The following FRMD4B variants were observed in gnomAD, a reference collection of about 807,000 sequenced individuals.
FRMD4B encodes the protein FERM domain-containing protein 4B.
FRMD4B carries 74 observed loss-of-function variants against 141.5 expected under a neutral mutation model. The ratio of observed to expected loss-of-function variants is 0.52; its 90% CI spans 0.43 to 0.63. The LOEUF (loss-of-function observed/expected upper bound fraction) is 0.63, where lower values mean the gene tolerates loss of function less well. FRMD4B is among the 30% of genes least tolerant of loss of function. FRMD4B has a pLI of 0.00. For synonymous variants in FRMD4B, 506 were observed against 467.9 expected (o/e 1.08, Z -1.05); for missense variants, 1,366 against 1,253.4 (o/e 1.09, Z -1.36).
intron 11 of FRMD4B, among the ~76,000 whole-genome samples, chr3:69,201,585 G>A (rs1313596491): frequency 6.6e-6 from 1 of 152,178 alleles, no homozygotes; most frequent in Non-Finnish European, 1.5e-5. Context: ...GAAGTTGCTA[G>A]GAAAATATTT....
intron 1 of FRMD4B, among the ~76,000 whole-genome samples, chr3:69,315,218 A>T (rs948001577): frequency 2.0e-5 from 3 of 152,246 alleles, no homozygotes; most frequent in Non-Finnish European, 4.4e-5. Context: ...TACTAAAAAA[A>T]CTTTGTAAAA....
intron 1 of FRMD4B, among the ~76,000 whole-genome samples, chr3:69,540,415 C>T (rs978123981): frequency 6.6e-6 from 1 of 151,160 alleles, no homozygotes; most frequent in African/African-American, 2.4e-5. Flanking sequence ...GAGATGGCGA[C>T]CAGCCTGGCT....
intron 1 of FRMD4B, among the ~76,000 whole-genome samples, chr3:69,470,348 AT>A: frequency 6.6e-6 from 1 of 152,334 alleles, no homozygotes; most frequent in African/African-American, 2.4e-5. Context: ...AAATGACTCT[AT>A]TCCTTGGAGA....
At chr3:69,237,225 G>T (rs995922251) in intron 7 of FRMD4B, among the ~76,000 whole-genome samples, 2 of 152,236 alleles carry the variant, frequency 1.3e-5, no homozygotes, top group South Asian at 4.1e-4. Context: ...GAAGAGGAGG[G>T]AGGGGCCGGG....
intron 1 of FRMD4B, among the ~76,000 whole-genome samples, chr3:69,374,991 A>G (rs376732892): frequency 3.3e-5 from 5 of 151,842 alleles, no homozygotes; most frequent in East Asian, 1.9e-4. Flanking sequence ...TATTCATCCA[A>G]TTGCCTACCC....
intron 1 of FRMD4B, among the ~76,000 whole-genome samples, chr3:69,362,948 C>T (rs937745065): frequency 6.6e-6 from 1 of 151,306 alleles, no homozygotes; most frequent in East Asian, 1.9e-4. Context: ...TAAGTCCTGA[C>T]CTTCAAGTCC....
intron 1 of FRMD4B, among the ~76,000 whole-genome samples, chr3:69,496,642 A>G (rs1706401284): frequency 1.7e-5 from 1 of 60,546 alleles, no homozygotes; most frequent in African/African-American, 7.6e-5. Context: ...AGAGAAAGAG[A>G]GAGAGAGAGA....
At chr3:69,269,786 A>C (rs2093585902) in intron 5 of FRMD4B, among the ~76,000 whole-genome samples, 1 of 151,744 alleles carries the variant, frequency 6.6e-6, no homozygotes, top group African/African-American at 2.4e-5. Flanking sequence ...CACCTGGCTA[A>C]TTTTTGTATT....
chr3:69,232,593 G>C lies in FRMD4B; in HGVS notation c.582-7903C>G, dbSNP rs902374803. On this transcript the variant is annotated intron_variant, in intron 7 of 22. Transcript: ENST00000398540. ...ATGTGCCAACCCCACTCATTTTTGAGAAAGCCACATGGCTGGCAAAACTGA... is the reference window on the plus strand; with the variant it reads ...ATGTGCCAACCCCACTCATTTTTGACAAAGCCACATGGCTGGCAAAACTGA... Among the ~76,000 whole-genome samples the C allele has an allele frequency of 2.8e-4, 42 of 152,078 alleles. 1 individual carries two copies. Among genetic ancestry groups the C allele is most frequent in the African/African-American group, 8.5e-4 (35 of 41,388 alleles).
chr3:69,385,184 G>C (rs1704218589), intron 1 of FRMD4B, among the ~76,000 whole-genome samples: 1 of 152,044 alleles, frequency 6.6e-6, no homozygotes, highest in South Asian at 2.1e-4. Context: ...GAGAAATAAA[G>C]GGGCTGTGTT....
intron 1 of FRMD4B, among the ~76,000 whole-genome samples, chr3:69,472,807 G>C (rs1705914217): frequency 1.3e-5 from 2 of 152,088 alleles, no homozygotes; most frequent in African/African-American, 4.8e-5. Context: ...CTTGCCATGG[G>C]TCAAATGTTC....
intron 2 of FRMD4B, among the ~76,000 whole-genome samples, chr3:69,417,840 G>C (rs888112795): frequency 1.4e-4 from 21 of 152,340 alleles, no homozygotes; most frequent in East Asian, 5.8e-4. Context: ...TTCCTCCAGA[G>C]GTTGTAGGGG....
intron 2 of FRMD4B, among the ~76,000 whole-genome samples, chr3:69,413,136 T>C (rs935149118): frequency 6.6e-6 from 1 of 152,136 alleles, no homozygotes; most frequent in African/African-American, 2.4e-5. Context: ...GTCAGGTTTG[T>C]TGAACGACGG....
At chr3:69,361,879 G>T (rs1575764274) in intron 1 of FRMD4B, among the ~76,000 whole-genome samples, 1 of 152,176 alleles carries the variant, frequency 6.6e-6, no homozygotes, top group East Asian at 1.9e-4. Flanking sequence ...GAATAAATGT[G>T]CATGAATAGA....
At chr3:69,509,153 A>G (rs1706646433) in intron 1 of FRMD4B, among the ~76,000 whole-genome samples, 1 of 152,162 alleles carries the variant, frequency 6.6e-6, no homozygotes, top group Admixed American at 6.5e-5. Context: ...CCAGAATGAC[A>G]TCTCTCCAGG....
At chr3:69,267,840 C>CCAGG (rs1159991298) in intron 5 of FRMD4B, among the ~76,000 whole-genome samples, 1 of 151,694 alleles carries the variant, frequency 6.6e-6, no homozygotes, top group Admixed American at 6.6e-5. Context: ...ATCATGTTGG[C>CCAGG]CAGGCTGGTC....
intron 5 of FRMD4B, among the ~76,000 whole-genome samples, chr3:69,260,633 T>C (rs2093520739): frequency 6.6e-6 from 1 of 152,150 alleles, no homozygotes; most frequent in Admixed American, 6.5e-5. Context: ...GGCTGAGGAG[T>C]GCAGGCGCGT....
intron 2 of FRMD4B, among the ~76,000 whole-genome samples, chr3:69,412,802 T>G (rs1315547241): frequency 2.0e-5 from 3 of 149,648 alleles, no homozygotes; most frequent in Non-Finnish European, 4.4e-5. Flanking sequence ...GAATGGGCAG[T>G]CAGAGGAGAC....
intron 1 of FRMD4B, among the ~76,000 whole-genome samples, chr3:69,454,007 C>G (rs1465410091): frequency 1.3e-5 from 2 of 152,138 alleles, no homozygotes; most frequent in African/African-American, 2.4e-5. Flanking sequence ...TGGGCTGCAC[C>G]CATGTTTGCC....
Sources: allele counts gnomAD v4.1 joint callset (sites outside exome capture counted in the v4.1 genomes callset), GRCh38; gene constraint gnomAD v4.1.1; transcripts MANE v1.5; gene names NCBI Gene and HGNC (gene_info 2026-07-23, HGNC 2026-07-21).